ZNF35: variants seen among roughly 807,000 people sequenced by gnomAD.
The protein encoded by ZNF35 is zinc finger protein 35 (clone HF.10).
ZNF35 carries 31 observed loss-of-function variants against 45.9 expected under a neutral mutation model. The observed-to-expected ratio is 0.68, with a 90% CI of 0.51 to 0.91. ZNF35 has a LOEUF of 0.91. Among genes scored for constraint, ZNF35 ranks in the 40% least tolerant of loss-of-function variants. The pLI, the probability that ZNF35 is intolerant of heterozygous loss-of-function variation, is 0.00. For missense variants in ZNF35, 515 were observed against 625.4 expected (o/e 0.82, Z 1.88); for synonymous variants, 205 against 220.2 (o/e 0.93, Z 0.61).
intron 1 of ZNF35, among the ~76,000 whole-genome samples, chr3:44,650,679 C>A (rs918960931): frequency 6.6e-6 from 1 of 152,062 alleles, no homozygotes; most frequent in Non-Finnish European, 1.5e-5. Context: ...TAAGTTTTTA[C>A]AATAAAAGTA....
At position 44,652,668 on chromosome 3, in the gene ZNF35, A is replaced by G. The variant is rs1249521552; in HGVS notation, c.304A>G (p.Ile102Val). The stretch of plus-strand genomic sequence containing the variant: ...ACCAGGGACTCTGGCCAAGAGTGAG[A>G]TACTGGAGACTCATGGGACCATGAA... The part of the protein sequence containing the change: ...SLPGTLAKSE[I>V]LETHGTMNFL... The change falls in exon 3 of 4, where the codon ATA becomes GTA. Residue 102 changes from isoleucine (I) to valine (V), a missense_variant. By Grantham distance (29) the Ile-to-Val change is conservative (BLOSUM62 3). This residue lies in a region of ZNF35 where 275 missense variants were observed against 295.7 expected (regional missense o/e 0.93). Transcript: ENST00000396056. 6.2e-7 allele frequency: 1 copy of G among 1,609,920 alleles called. No homozygotes were observed. The highest frequency in any genetic ancestry group is 8.5e-7 in the Non-Finnish European group (1 of 1,178,330).
At chr3:44,646,767 C>G (rs567795946), upstream of ZNF35, 3 of 433,278 alleles carry the variant, frequency 6.9e-6, no homozygotes, top group South Asian at 1.1e-4. Context: ...ACTAGAGAGC[C>G]GTTAGGTACT....
At position 44,654,657 on chromosome 3, in the gene ZNF35, T is replaced by G. The variant is rs146437453; in HGVS notation, c.337+1956T>G. Reference sequence around the variant, plus strand: ...TGTCTGAGCAAGTTTTAACTGTAGTTTTCATATTTTAATTAATGTTGAATT... The same window carrying G: ...TGTCTGAGCAAGTTTTAACTGTAGTGTTCATATTTTAATTAATGTTGAATT... On this transcript the variant is annotated intron_variant, in intron 3 of 3. Coordinates refer to ENST00000396056, the MANE Select transcript of ZNF35 (RefSeq NM_003420.4). 2.4e-3 allele frequency among the ~76,000 whole-genome samples: 365 copies of G among 152,352 alleles called. 2 individuals are homozygous for G. The highest frequency in any genetic ancestry group is 8.4e-3 in the African/African-American group (351 of 41,574).
chr3:44,654,495 T>C (rs1279374627), intron 3 of ZNF35, among the ~76,000 whole-genome samples: 6 of 152,184 alleles, frequency 3.9e-5, no homozygotes, highest in Non-Finnish European at 7.3e-5. Context: ...GCGTGATAGG[T>C]GCTGGAGATA....
intron 3 of ZNF35, 136 bp downstream of exon 3, chr3:44,652,837 G>T (rs534651208): frequency 6.4e-5 from 59 of 914,904 alleles, no homozygotes; most frequent in Middle Eastern, 7.3e-4. Context: ...AAGCTGGAAA[G>T]AGGAATGCTG....
chr3:44,648,223 C>CT (rs1477027238), upstream of ZNF35: 1 of 151,984 alleles, frequency 6.6e-6, no homozygotes, highest in Admixed American at 6.5e-5. Context: ...ATTTTCTTAC[C>CT]TGTGACGGTG....
chr3:44,648,093 G>A (rs539922735), upstream of ZNF35: 1 of 152,192 alleles, frequency 6.6e-6, no homozygotes, highest in South Asian at 2.1e-4. Flanking sequence ...AAACTAAAGA[G>A]CTGTAACCAA....
chr3:44,651,768 G>C (rs1335666771), intron 2 of ZNF35, among the ~76,000 whole-genome samples: 1 of 151,780 alleles, frequency 6.6e-6, no homozygotes, highest in East Asian at 1.9e-4. Flanking sequence ...TGGAGGCATA[G>C]GTTGCAGTGA....
At chr3:44,656,127 A>T (rs1031655919) in intron 3 of ZNF35, among the ~76,000 whole-genome samples, 1 of 152,174 alleles carries the variant, frequency 6.6e-6, no homozygotes, top group African/African-American at 2.4e-5. Flanking sequence ...CACAAAGAGA[A>T]GCAAGCAGTC....
Position 44,659,807 on chromosome 3 carries a change from G to T in ZNF35, c.1444G>T (p.Ala482Ser), listed in dbSNP as rs1703371049. The T allele has an allele frequency of 6.2e-7, 1 of 1,612,182 alleles. No homozygotes were observed. Among genetic ancestry groups the T allele is most frequent in the Non-Finnish European group, 8.5e-7 (1 of 1,179,396 alleles). Reference protein sequence around the residue: ...KPYTCNECGKAFRQRSSLTVH... With the variant: ...KPYTCNECGKSFRQRSSLTVH... Reference sequence around the variant, plus strand: ...TTACACATGTAATGAGTGTGGGAAGGCCTTCAGACAGAGGTCGAGCCTCAC... The same window carrying T: ...TTACACATGTAATGAGTGTGGGAAGTCCTTCAGACAGAGGTCGAGCCTCAC... The change falls in exon 4 of 4, where the codon GCC becomes TCC. Residue 482 changes from alanine (A) to serine (S), a missense_variant. By Grantham distance (99) the Ala-to-Ser change is moderately conservative. Around this residue, in one of 3 missense-constraint regions of ZNF35, gnomAD observed 232 missense variants for 304.6 expected, o/e 0.76. Coordinates refer to ENST00000396056, the MANE Select transcript of ZNF35 (RefSeq NM_003420.4). This position sits in a 1 kb window ranked among gnomAD's most constrained non-coding sequence, Gnocchi z 4.3.
At chr3:44,648,136 TATAAA>T (rs986706699), upstream of ZNF35, 6 of 152,198 alleles carry the variant, frequency 3.9e-5, no homozygotes, top group Admixed American at 3.3e-4. Context: ...GAAAAAAAGT[TATAAA>T]ATACATGTTT....
chr3:44,660,088 A>G lies in ZNF35; in HGVS notation c.*141A>G. On this transcript the variant is annotated 3_prime_UTR_variant, in exon 4 of 4. Transcript: ENST00000396056. The stretch of plus-strand genomic sequence containing the variant: ...TTATAGTTTTCAGGAATGCAGCAGA[A>G]GACACAAGAAAAGCATTTCAGAGGC... 1.1e-6 allele frequency: 1 copy of G among 904,160 alleles called. No individual in the cohort carries two copies. The highest frequency in any genetic ancestry group is 1.6e-6 in the Non-Finnish European group (1 of 639,446). The allele number at this position is 904,160 out of a possible 1,614,324, so 56.0% of individuals were successfully genotyped here. A position where few individuals can be genotyped will look rare whatever the true frequency, so the allele number is the denominator to read the frequency against.
intron 3 of ZNF35, among the ~76,000 whole-genome samples, chr3:44,653,680 G>C (rs1051313932): frequency 6.6e-6 from 1 of 152,208 alleles, no homozygotes; most frequent in Non-Finnish European, 1.5e-5. Flanking sequence ...GAAGGGTACT[G>C]ATGGCTTATC....
intron 3 of ZNF35, among the ~76,000 whole-genome samples, chr3:44,653,307 T>G (rs1455753294): frequency 6.6e-6 from 1 of 152,184 alleles, no homozygotes; most frequent in Non-Finnish European, 1.5e-5. Flanking sequence ...TGCTTGGAAC[T>G]CCAAACTATA....
intron 3 of ZNF35, 113 bp downstream of exon 3, chr3:44,652,814 A>G: frequency 8.7e-7 from 1 of 1,154,894 alleles, no homozygotes; most frequent in Non-Finnish European, 1.2e-6. Context: ...TGAGGTATTG[A>G]AAGTGTCCAG....
chr3:44,652,809 T>G, intron 3 of ZNF35, 108 bp downstream of exon 3: 2 of 1,163,608 alleles, frequency 1.7e-6, no homozygotes, highest in Non-Finnish European at 2.3e-6. Flanking sequence ...AGTACTGAGG[T>G]ATTGAAAGTG....
chr3:44,650,231 A>C (rs1194916065), intron 1 of ZNF35, among the ~76,000 whole-genome samples: 1 of 152,186 alleles, frequency 6.6e-6, no homozygotes, highest in Non-Finnish European at 1.5e-5. Context: ...ACATGAAAGT[A>C]ATCTTTTTTT....
Position 44,659,897 on chromosome 3 carries a change from A to G in ZNF35, c.1534A>G (p.Ile512Val), listed in dbSNP as rs374377379. The change falls in exon 4 of 4, where the codon ATT becomes GTT. Residue 512 changes from isoleucine to valine, a missense_variant. Physicochemically the swap from Ile to Val is conservative, Grantham distance 29. Around this residue, in one of 3 missense-constraint regions of ZNF35, gnomAD observed 232 missense variants for 304.6 expected, o/e 0.76. Transcript: ENST00000396056. The surrounding 1 kb of genome is among the most constrained non-coding windows in gnomAD (Gnocchi z 4.3). ...ATGTGAGAAGTGTGGTGCAGCTTTC[A>G]TTTCCAACTCACACCTCATGCGACA... is the stretch of plus-strand genomic sequence containing the variant. ...YECEKCGAAF[I>V]SNSHLMRHHR... The G allele has an allele frequency of 1.9e-6, 3 of 1,596,394 alleles. No individual in the cohort carries two copies. Among genetic ancestry groups the G allele is most frequent in the Middle Eastern group, 1.7e-4 (1 of 5,976 alleles).
upstream of ZNF35, chr3:44,646,558 G>T: frequency 1.8e-6 from 2 of 1,136,176 alleles, no homozygotes; most frequent in Non-Finnish European, 2.7e-6. Flanking sequence ...CATCCAGAAC[G>T]TGGAATATTG....
Sources: gnomAD v4.1 joint callset for allele counts (sites outside exome capture counted in the v4.1 genomes callset) on GRCh38, gnomAD v4.1.1 for gene constraint, gnomAD v4.1.1 regional missense constraint, Gnocchi (gnomAD v3.1) non-coding constraint, MANE v1.5 for transcripts, NCBI Gene and HGNC (gene_info 2026-07-23, HGNC 2026-07-21) for gene names.